The following RTEL1 variants were observed in gnomAD, a reference collection of about 807,000 sequenced individuals.
The protein encoded by RTEL1 is regulator of telomere length.
Under a neutral mutation model 162.2 loss-of-function variants are expected in RTEL1, and 86 were observed. That is an observed-to-expected ratio of 0.53 (90% CI 0.45 to 0.63). RTEL1 has a LOEUF of 0.63. Among genes scored for constraint, RTEL1 ranks in the 30% least tolerant of loss-of-function variants. The pLI is 0.00. For missense variants in RTEL1, 1,941 were observed against 1,750.2 expected (o/e 1.11, Z -1.95); for synonymous variants, 958 against 717.9 (o/e 1.33, Z -5.35).
intron 6 of RTEL1, among the ~76,000 whole-genome samples, chr20:63,664,563 A>C (rs904436171): frequency 1.3e-5 from 2 of 152,004 alleles, no homozygotes; most frequent in Non-Finnish European, 2.9e-5. Flanking sequence ...AGGCCTGTGG[A>C]CTCAGACCAG....
intron 30 of RTEL1, 97 bp from the exon 31 acceptor site, chr20:63,694,275 G>A: frequency 1.9e-6 from 2 of 1,071,504 alleles, no homozygotes; most frequent in South Asian, 1.3e-5. Context: ...GTCTGAGGTG[G>A]GTGAGGCCTG....
intron 14 of RTEL1, 191 bp downstream of exon 14, chr20:63,680,910 G>A (rs2146220817): frequency 1.4e-5 from 14 of 984,694 alleles, no homozygotes; most frequent in Non-Finnish European, 1.7e-5. Flanking sequence ...GCAGGGATGG[G>A]GGAGGACGAG....
At chr20:63,676,805 C>A (rs3787096) in intron 10 of RTEL1, among the ~76,000 whole-genome samples, 2 of 151,638 alleles carry the variant, frequency 1.3e-5, no homozygotes. Context: ...TGTGGTGGTG[C>A]ATGCTTGTAA....
intron 30 of RTEL1, among the ~76,000 whole-genome samples, 177 bp downstream of exon 30, chr20:63,693,460 CCT>C (rs1412556141): frequency 1.7e-4 from 2 of 11,940 alleles, no homozygotes; most frequent in Non-Finnish European, 1.9e-4. Flanking sequence ...ACCACCTCCA[CCT>C]CCACCTCCAC....
intron 6 of RTEL1, among the ~76,000 whole-genome samples, chr20:63,664,177 G>A (rs1226784957): frequency 6.6e-6 from 1 of 152,282 alleles, no homozygotes; most frequent in South Asian, 2.1e-4. Flanking sequence ...GCTCGTCCCG[G>A]TGATGCCTGC....
At chr20:63,693,568 C>T in intron 30 of RTEL1, among the ~76,000 whole-genome samples, 2 of 130,346 alleles carry the variant, frequency 1.5e-5, no homozygotes, top group Admixed American at 7.8e-5. Flanking sequence ...ACCTCCACCA[C>T]CTCCACCTCC....
chr20:63,663,141 G>A (rs753791346), intron 6 of RTEL1, among the ~76,000 whole-genome samples: 2 of 152,238 alleles, frequency 1.3e-5, no homozygotes, highest in Admixed American at 6.5e-5. Flanking sequence ...TTTTGGGAAG[G>A]CTCCCTCCAT....
intron 6 of RTEL1, chr20:63,665,316 T>TGTGTTTAA (rs2090104917): frequency 6.6e-6 from 1 of 152,494 alleles, no homozygotes; most frequent in East Asian, 1.9e-4. Context: ...TGGTTCTGTC[T>TGTGTTTAA]GTGTTTAAGC....
rs759452944 is a variant in RTEL1 at position 63,688,398 on chromosome 20, C to A, written c.1722+12C>A. 6.2e-7 allele frequency: 1 copy of A among 1,611,428 alleles called. No homozygotes were observed. Among genetic ancestry groups the A allele is most frequent in the Admixed American group, 1.7e-5 (1 of 59,990 alleles). The stretch of plus-strand genomic sequence containing the variant: ...TGGAGTTCTGGCGGGTGCGTCTCCC[C>A]TGTGTTCTGGGCGGGGTGGGTGAGG... On this transcript the variant is annotated intron_variant, in intron 20 of 34. Coordinates refer to ENST00000360203, the MANE Select transcript of RTEL1 (RefSeq NM_001283009.2).
Position 63,666,088 on chromosome 20 carries a change from C to T in RTEL1, c.614+9C>T, listed in dbSNP as rs2090120974. ...AGCGGAAGCAAGCACAGGTGAGACC[C>T]CTCAGTGAGGCCACGACCACTGTCC... On this transcript the variant is annotated intron_variant, in intron 7 of 34. Coordinates refer to ENST00000360203, the MANE Select transcript of RTEL1 (RefSeq NM_001283009.2). 6.2e-7 allele frequency: 1 copy of T among 1,612,780 alleles called. No individual in the cohort carries two copies. Among genetic ancestry groups the T allele is most frequent in the Non-Finnish European group, 8.5e-7 (1 of 1,178,856 alleles).
intron 30 of RTEL1, among the ~76,000 whole-genome samples, chr20:63,693,612 T>TCCA (rs1568721166): frequency 8.8e-3 from 24 of 2,718 alleles, no homozygotes; most frequent in East Asian, 0.022. Flanking sequence ...CACCACCACC[T>TCCA]CCACCTCCAC....
Position 63,690,819 on chromosome 20 carries a change from G to A in RTEL1, c.2428G>A (p.Gly810Arg), listed in dbSNP as rs545613984. 4.4e-5 allele frequency: 71 copies of A among 1,604,796 alleles called. 1 individual carries two copies. The East Asian group carries it at 8.1e-4, about 18-fold the overall frequency. Residue 810 changes from glycine to arginine, a missense_variant, in exon 27 of 35, where the codon GGG (glycine) becomes AGG (arginine). By Grantham distance (125) the Gly-to-Arg change is moderately radical (BLOSUM62 -2). Coordinates refer to ENST00000360203, the MANE Select transcript of RTEL1 (RefSeq NM_001283009.2). ...KQRSSGSPAA[G>R]DPESSLCVEY... Reference sequence around the variant, plus strand: ...TGCCCCTGCAGGGTCACCAGCTGCCGGGGACCCCGAGAGTAGCCTGTGTGT... The same window carrying A: ...TGCCCCTGCAGGGTCACCAGCTGCCAGGGACCCCGAGAGTAGCCTGTGTGT...
At chr20:63,691,703 T>C (rs762483221) in intron 27 of RTEL1, 39 bp from the exon 28 acceptor site, 5 of 1,533,092 alleles carry the variant, frequency 3.3e-6, no homozygotes, top group East Asian at 4.5e-5. Flanking sequence ...GAGTGTGTGG[T>C]TGGGGTCTGT....
rs774902600 is a variant in RTEL1, at chr20:63,695,390, A to G, written c.3562A>G (p.Arg1188Gly). ...QSKISSFLRQRPAGTVGAGGE... is the reference protein window; with the variant it reads ...QSKISSFLRQGPAGTVGAGGE... ...CAAGATCTCGTCCTTCCTTAGACAGAGGCCAGCAGGGACTGTGGGGGCGGG... is the reference window on the plus strand; with the variant it reads ...CAAGATCTCGTCCTTCCTTAGACAGGGGCCAGCAGGGACTGTGGGGGCGGG... Residue 1188 changes from arginine to glycine, a missense_variant, in exon 34 of 35, where the codon AGG (arginine) becomes GGG (glycine). Coordinates refer to ENST00000360203, the MANE Select transcript of RTEL1 (RefSeq NM_001283009.2). The G allele has an allele frequency of 4.5e-6, 7 of 1,553,222 alleles. No individual in the cohort carries two copies. Among genetic ancestry groups the G allele is most frequent in the Non-Finnish European group, 6.1e-6 (7 of 1,149,314 alleles).
rs559950256 is a variant in RTEL1 at position 63,664,407 on chromosome 20, C to G, written c.538+1518C>G. On this transcript the variant is annotated intron_variant, in intron 6 of 34. Transcript: ENST00000360203. ...GGCAGTGCCCCGGTGGCTGCTGGGC[C>G]TGGGACCTGGTGGGGACGCTGGGCC... Among the ~76,000 whole-genome samples, 34 of 152,274 alleles carry G rather than the reference C, an allele frequency of 2.2e-4. 1 individual carries two copies. In the East Asian group the frequency reaches 2.9e-3, roughly 13 times the overall value.
At chr20:63,689,357 C>T (rs2090670892) in intron 22 of RTEL1, 145 bp from the exon 23 acceptor site, 1 of 1,019,872 alleles carries the variant, frequency 9.8e-7, no homozygotes, top group Non-Finnish European at 1.4e-6. Flanking sequence ...GAGCTGTGGA[C>T]CCCAAGTGGG....
Position 63,662,897 on chromosome 20 carries a change from C to T in RTEL1, c.538+8C>T, listed in dbSNP as rs749049004. 1 of 1,613,568 alleles carries T rather than the reference C, an allele frequency of 6.2e-7. No individual in the cohort carries two copies. Among genetic ancestry groups the T allele is most frequent in the Non-Finnish European group, 8.5e-7 (1 of 1,179,636 alleles). On this transcript the variant is annotated splice_region_variant and intron_variant, in intron 6 of 34. Coordinates refer to ENST00000360203, the MANE Select transcript of RTEL1 (RefSeq NM_001283009.2). ...TCTACAACAACGTAGAAGGTACAAG[C>T]AGCTGGGTGGGACCAGGGTCGGGTT...
At chr20:63,682,193 A>T in intron 14 of RTEL1, 1 of 985,188 alleles carries the variant, frequency 1.0e-6, no homozygotes. Flanking sequence ...AGGTTCCTAC[A>T]CTCGAACTGA....
Position 63,690,205 on chromosome 20 carries a change from C to A in RTEL1, c.2260C>A (p.Arg754=). ...DVAQFFRVAE[R]TMPAPAPRAT... ...GGCCCAGTTCTTCCGTGTTGCCGAG[C>A]GAACTGTGAGTTCCTGCCCAGGGAG... The change falls in exon 25 of 35, where the codon CGA becomes AGA. Residue 754 remains arginine (R), a synonymous_variant. Coordinates refer to ENST00000360203, the MANE Select transcript of RTEL1 (RefSeq NM_001283009.2). 1 of 1,612,212 alleles carries A rather than the reference C, an allele frequency of 6.2e-7. No homozygotes were observed. The highest frequency in any genetic ancestry group is 8.5e-7 in the Non-Finnish European group (1 of 1,179,590).
Sources: allele counts gnomAD v4.1 joint callset (sites outside exome capture counted in the v4.1 genomes callset), GRCh38; gene constraint gnomAD v4.1.1; transcripts MANE v1.5; gene names NCBI Gene and HGNC (gene_info 2026-07-23, HGNC 2026-07-21).